The following GNG4 variants were observed in gnomAD, a reference collection of about 807,000 sequenced individuals.
GNG4 encodes G protein subunit gamma 4.
GNG4 carries 4 observed loss-of-function variants against 5.8 expected under a neutral mutation model. That is an observed-to-expected ratio of 0.69 (90% CI 0.34 to 1.57). The LOEUF is 1.57. Ranked by LOEUF, GNG4 falls within the 40% of genes most tolerant of loss-of-function variation. The probability of loss-of-function intolerance (pLI) is 0.06; values close to 1 mark genes in which losing one functional copy is unlikely to be tolerated. For synonymous variants in GNG4, 29 were observed against 32.9 expected, an observed-to-expected ratio of 0.88 and a Z score of 0.41; for missense variants, 96 against 95.1, an observed-to-expected ratio of 1.01 and a Z score of -0.04.
intron 3 of GNG4, among the ~76,000 whole-genome samples, chr1:235,574,226 C>A (rs1687422192): frequency 6.6e-6 from 1 of 152,004 alleles, no homozygotes; most frequent in Non-Finnish European, 1.5e-5. Context: ...CAAAAATTGT[C>A]CAGGCATGGT....
chr1:235,601,736 G>A (rs1332628416), intron 1 of GNG4, among the ~76,000 whole-genome samples: 2 of 152,144 alleles, frequency 1.3e-5, no homozygotes, highest in South Asian at 2.1e-4. Flanking sequence ...TGGAGATGCC[G>A]ACGATGAATG....
At chr1:235,573,992 T>G (rs920163403) in intron 3 of GNG4, among the ~76,000 whole-genome samples, 1 of 152,210 alleles carries the variant, frequency 6.6e-6, no homozygotes, top group African/African-American at 2.4e-5. Flanking sequence ...GCCCCAGTTT[T>G]ATAATAAATG....
chr1:235,548,264 T>A lies in GNG4; in HGVS notation c.*3845A>T, dbSNP rs1686633292. On this transcript the variant is annotated 3_prime_UTR_variant, in exon 4 of 4. Transcript: ENST00000391854. ...TTTCATGAAAGAAGAAAGAATGTAC[T>A]GGATGGAGTTTGCTGGCTCAAAGAA... is the stretch of plus-strand genomic sequence containing the variant. The A allele has an allele frequency of 6.6e-6, 1 of 152,188 alleles. No homozygotes were observed. Among genetic ancestry groups the A allele is most frequent in the African/African-American group, 2.4e-5 (1 of 41,422 alleles). 9.4% of individuals were successfully genotyped at this position (152,188 alleles called of 1,614,324 possible). A position where few individuals can be genotyped will look rare whatever the true frequency, so the allele number is the denominator to read the frequency against.
At chr1:235,587,190 T>C (rs900657747) in intron 2 of GNG4, among the ~76,000 whole-genome samples, 6 of 137,680 alleles carry the variant, frequency 4.4e-5, no homozygotes, top group African/African-American at 1.7e-4. Context: ...GGGGTGAGTG[T>C]GTGTGACAGA....
rs114886174 is a variant in GNG4 at position 235,551,889 on chromosome 1, T to C, written c.*220A>G. On this transcript the variant is annotated 3_prime_UTR_variant, in exon 4 of 4. Transcript: ENST00000391854. The stretch of plus-strand genomic sequence containing the variant: ...CATTTGTTATTTGGCTATAAACATT[T>C]TGATTTTCTTTGCCAATAATGAAAA... 2,020 of 424,904 alleles carry C rather than the reference T, an allele frequency of 4.8e-3. 35 individuals are homozygous for C. Among genetic ancestry groups the C allele is most frequent in the African/African-American group, 0.038 (1,898 of 50,374 alleles). 26.3% of individuals were successfully genotyped at this position (424,904 alleles called of 1,614,324 possible).
chr1:235,576,890 C>T (rs1193176372), intron 3 of GNG4, among the ~76,000 whole-genome samples: 3 of 152,132 alleles, frequency 2.0e-5, no homozygotes, highest in Non-Finnish European at 2.9e-5. Flanking sequence ...TGCTTTTGTG[C>T]AAATGGGGAC....
At chr1:235,594,651 C>T (rs576054582) in intron 2 of GNG4, among the ~76,000 whole-genome samples, 13 of 152,300 alleles carry the variant, frequency 8.5e-5, no homozygotes, top group Admixed American at 3.3e-4. Flanking sequence ...CCTCACTGCC[C>T]GGGGCTTGCG....
In GNG4 at chr1:235,562,660, AAAAAAAAAAAAAG is replaced by A. The variant is rs1396392594; in HGVS notation, c.100-10436_100-10424del. Among the ~76,000 whole-genome samples, 533 of 133,854 alleles carry A rather than the reference AAAAAAAAAAAAAG, an allele frequency of 4.0e-3. 6 individuals carry two copies. The highest frequency in any genetic ancestry group is 5.5e-3 in the South Asian group (22 of 3,968). The allele number at this position is 133,854 out of a possible 152,430, so 87.8% of individuals were successfully genotyped here. ...GCTCTGTCTCAAGAAAAAAAAAAAG[AAAAAAAAAAAAAG>A]AAAAAAAAAAAAGAAGAAAATTTGC... On this transcript the variant is annotated intron_variant, in intron 3 of 3. Transcript: ENST00000391854.
chr1:235,574,879 C>T (rs1472940344), intron 3 of GNG4, among the ~76,000 whole-genome samples: 2 of 152,134 alleles, frequency 1.3e-5, no homozygotes, highest in Non-Finnish European at 2.9e-5. Flanking sequence ...GGTTGGAATG[C>T]AGTGGCGCAA....
chr1:235,568,888 G>A (rs1051605468), intron 3 of GNG4, among the ~76,000 whole-genome samples: 9 of 150,594 alleles, frequency 6.0e-5, no homozygotes, highest in Non-Finnish European at 1.0e-4. Flanking sequence ...GTGCAGTGGT[G>A]TGATCCCGGC....
chr1:235,627,118 C>T (rs764317976), intron 1 of GNG4, among the ~76,000 whole-genome samples: 6 of 152,044 alleles, frequency 3.9e-5, no homozygotes, highest in African/African-American at 7.2e-5. Flanking sequence ...TGTCACTTGG[C>T]AGCATGACTT....
chr1:235,610,932 A>G (rs371714926), intron 1 of GNG4, among the ~76,000 whole-genome samples: 140 of 152,280 alleles, frequency 9.2e-4, no homozygotes, highest in African/African-American at 3.4e-3. Context: ...TGAAAAAAAT[A>G]CAAAAATTTG....
intron 3 of GNG4, among the ~76,000 whole-genome samples, chr1:235,569,371 T>C (rs1167138707): frequency 3.3e-5 from 5 of 150,786 alleles, no homozygotes; most frequent in Non-Finnish European, 4.4e-5. Context: ...AGTGGGAGGA[T>C]AGCTCGAGCC....
At chr1:235,593,889 G>T (rs2774321) in intron 2 of GNG4, among the ~76,000 whole-genome samples, 1 of 151,910 alleles carries the variant, frequency 6.6e-6, no homozygotes, top group African/African-American at 2.4e-5. Flanking sequence ...TTGTTGCAAA[G>T]AGCAAAAGAA....
rs1686713663 is a variant in GNG4, at chr1:235,550,481, A to T, written c.*1628T>A. The stretch of plus-strand genomic sequence containing the variant: ...GTGTAACCTTGGGCAAACTACATAA[A>T]CGCTTTGTGCCTCAGTTTCCCCTCA... On this transcript the variant is annotated 3_prime_UTR_variant, in exon 4 of 4. Coordinates refer to ENST00000391854, the MANE Select transcript of GNG4 (RefSeq NM_001098722.2). 6.6e-6 allele frequency: 1 copy of T among 150,450 alleles called. No individual in the cohort carries two copies. Among genetic ancestry groups the T allele is most frequent in the South Asian group, 2.1e-4 (1 of 4,798 alleles). The allele number at this position is 150,450 out of a possible 1,614,324, so 9.3% of individuals were successfully genotyped here.
chr1:235,640,180 T>G (rs548165207), intron 1 of GNG4, among the ~76,000 whole-genome samples: 1 of 152,176 alleles, frequency 6.6e-6, no homozygotes, highest in Non-Finnish European at 1.5e-5. Context: ...AGGCACATCA[T>G]GCTTACGGTG....
intron 2 of GNG4, among the ~76,000 whole-genome samples, chr1:235,586,684 T>A (rs1687766896): frequency 6.6e-6 from 1 of 152,160 alleles, no homozygotes; most frequent in Non-Finnish European, 1.5e-5. Flanking sequence ...AAAGTGTGTG[T>A]CGCCTTCCTG....
chr1:235,612,749 C>T (rs1043229031), intron 1 of GNG4, among the ~76,000 whole-genome samples: 1 of 152,272 alleles, frequency 6.6e-6, no homozygotes, highest in Middle Eastern at 3.4e-3. Context: ...TCTTGAACAC[C>T]TGGGCTCAAG....
At chr1:235,583,876 G>T in intron 2 of GNG4, 28 bp from the exon 3 acceptor site, 1 of 1,426,716 alleles carries the variant, frequency 7.0e-7, no homozygotes, top group Non-Finnish European at 9.9e-7. Flanking sequence ...AAAAGGGTTA[G>T]AAGAGCTGCT....
Sources: allele counts gnomAD v4.1 joint callset (sites outside exome capture counted in the v4.1 genomes callset), GRCh38; gene constraint gnomAD v4.1.1; transcripts MANE v1.5; gene names NCBI Gene and HGNC (gene_info 2026-07-23, HGNC 2026-07-21).